ALPK2: variants seen among roughly 807,000 people sequenced by gnomAD.
ALPK2 encodes the protein alpha-protein kinase 2.
Under a neutral mutation model 163.1 loss-of-function variants are expected in ALPK2, and 127 were observed. The observed-to-expected ratio is 0.78, with a 90% CI of 0.67 to 0.90. The LOEUF is 0.90. Ranked by LOEUF, ALPK2 falls within the 40% of genes least tolerant of loss-of-function variation. The pLI is 0.00. For missense variants in ALPK2, 2,360 were observed against 2,589.6 expected (o/e 0.91, Z 1.92); for synonymous variants, 953 against 959.1 (o/e 0.99, Z 0.12).
Position 58,500,498 on chromosome 18 carries a change from T to C in ALPK2, c.6248-2401A>G, listed in dbSNP as rs142813040. Reference sequence around the variant, plus strand: ...GTCAGTTTAATGATTTGCCAGCAATTATGTCAAGGTTACTAGGAATCTCTA... The same window carrying C: ...GTCAGTTTAATGATTTGCCAGCAATCATGTCAAGGTTACTAGGAATCTCTA... On this transcript the variant is annotated intron_variant, in intron 11 of 12. Coordinates refer to ENST00000361673, the MANE Select transcript of ALPK2 (RefSeq NM_052947.4). Among the ~76,000 whole-genome samples, 4 of 152,290 alleles carry C rather than the reference T, an allele frequency of 2.6e-5. No homozygotes were observed. In the East Asian group the frequency reaches 7.7e-4, roughly 29 times the overall value.
chr18:58,605,878 G>C (rs2052095451), intron 3 of ALPK2, among the ~76,000 whole-genome samples: 2 of 152,212 alleles, frequency 1.3e-5, no homozygotes, highest in Non-Finnish European at 2.9e-5. Context: ...TTTTGTAAGG[G>C]TGTGGACAAT....
intron 3 of ALPK2, among the ~76,000 whole-genome samples, chr18:58,595,218 C>T (rs1172559200): frequency 6.6e-6 from 1 of 152,188 alleles, no homozygotes. Context: ...CCTTCCCTCC[C>T]TCGTGCTGCT....
chr18:58,523,701 T>C (rs1049089122), intron 8 of ALPK2, 105 bp downstream of exon 8: 4 of 1,426,786 alleles, frequency 2.8e-6, no homozygotes, highest in East Asian at 2.3e-5. Flanking sequence ...TCCTTCTCGG[T>C]TGGAAGAGTC....
intron 4 of ALPK2, among the ~76,000 whole-genome samples, chr18:58,559,335 C>T (rs1167953127): frequency 6.6e-6 from 1 of 152,116 alleles, no homozygotes; most frequent in African/African-American, 2.4e-5. Flanking sequence ...TTATCTGGCC[C>T]ACAATATTGT....
chr18:58,548,601 G>A (rs544082393), intron 4 of ALPK2, among the ~76,000 whole-genome samples: 4 of 152,258 alleles, frequency 2.6e-5, no homozygotes, highest in South Asian at 4.1e-4. Flanking sequence ...GATTACAGGC[G>A]TGAGTCACCG....
chr18:58,562,171 C>G (rs73961620), intron 4 of ALPK2, among the ~76,000 whole-genome samples: 22,662 of 152,160 alleles, frequency 0.15, 1,917 homozygotes, highest in African/African-American at 0.22. Context: ...GTTACATGGA[C>G]TACCAGAAAT....
At chr18:58,602,511 C>T (rs1179142699) in intron 3 of ALPK2, among the ~76,000 whole-genome samples, 2 of 152,144 alleles carry the variant, frequency 1.3e-5, no homozygotes, top group African/African-American at 2.4e-5. Flanking sequence ...TGGCATGTCT[C>T]GGCTTGCCAT....
intron 4 of ALPK2, 74 bp downstream of exon 4, chr18:58,578,740 A>ACACACGCGCACGCGCGCG: frequency 8.9e-7 from 1 of 1,118,818 alleles, no homozygotes; most frequent in Non-Finnish European, 1.3e-6. Context: ...AGAGACACAC[A>ACACACGCGCACGCGCGCG]CACACACACA....
At chr18:58,599,298 G>C (rs2052056975) in intron 3 of ALPK2, among the ~76,000 whole-genome samples, 1 of 152,194 alleles carries the variant, frequency 6.6e-6, no homozygotes, top group Admixed American at 6.5e-5. Flanking sequence ...CATTCAAGCA[G>C]GGCTCCAGGC....
intron 11 of ALPK2, among the ~76,000 whole-genome samples, chr18:58,503,389 G>A (rs1259101658): frequency 1.3e-5 from 2 of 152,188 alleles, no homozygotes; most frequent in Non-Finnish European, 2.9e-5. Flanking sequence ...TTATTGGCAT[G>A]AATTATTGAA....
At chr18:58,533,973 T>G (rs1210621820) in intron 5 of ALPK2, among the ~76,000 whole-genome samples, 1 of 152,118 alleles carries the variant, frequency 6.6e-6, no homozygotes, top group Non-Finnish European at 1.5e-5. Context: ...AGCTTTTCGC[T>G]CCAGAGCACA....
chr18:58,527,545 G>A (rs962723391), intron 6 of ALPK2, among the ~76,000 whole-genome samples: 2 of 152,164 alleles, frequency 1.3e-5, no homozygotes, highest in Non-Finnish European at 2.9e-5. Context: ...AAAGGGACCC[G>A]CAAATATTCA....
chr18:58,505,186 G>A (rs2051455620), intron 10 of ALPK2, among the ~76,000 whole-genome samples: 1 of 152,098 alleles, frequency 6.6e-6, no homozygotes, highest in Admixed American at 6.5e-5. Flanking sequence ...GGAGACCGGG[G>A]CCAGGTAATG....
At chr18:58,548,305 C>T (rs2051730074) in intron 4 of ALPK2, among the ~76,000 whole-genome samples, 2 of 150,614 alleles carry the variant, frequency 1.3e-5, no homozygotes, top group African/African-American at 2.4e-5. Context: ...GATAGGACCT[C>T]GGGTTTGGTT....
At chr18:58,506,160 T>C (rs1033996465) in intron 10 of ALPK2, among the ~76,000 whole-genome samples, 3 of 152,026 alleles carry the variant, frequency 2.0e-5, no homozygotes, top group African/African-American at 7.3e-5. Flanking sequence ...AATTTAACTC[T>C]GCATTGGGCA....
At chr18:58,543,438 G>A (rs2051701916) in intron 4 of ALPK2, 2 of 984,326 alleles carry the variant, frequency 2.0e-6, no homozygotes, top group South Asian at 9.4e-5. Flanking sequence ...ACAGGCAGGA[G>A]GCTTTAAGAG....
In ALPK2 at chr18:58,481,675, G is replaced by A. The variant is rs534985788; in HGVS notation, c.*148C>T. ...TTTGAGTGAAGACAGCAGGTGATGG[G>A]TTTAGAAGCATCTTGGCGCACAGTC... On this transcript the variant is annotated 3_prime_UTR_variant, in exon 13 of 13. Transcript: ENST00000361673. The A allele has an allele frequency of 3.0e-6, 2 of 661,238 alleles. No homozygotes were observed. Among genetic ancestry groups the A allele is most frequent in the Non-Finnish European group, 5.3e-6 (2 of 374,490 alleles). 41.0% of individuals were successfully genotyped at this position (661,238 alleles called of 1,614,324 possible). A position where few individuals can be genotyped will look rare whatever the true frequency, so the allele number is the denominator to read the frequency against.
intron 3 of ALPK2, among the ~76,000 whole-genome samples, chr18:58,600,098 A>G (rs1391487617): frequency 7.2e-5 from 9 of 124,900 alleles, no homozygotes; most frequent in African/African-American, 2.5e-4. Context: ...GTGCAGTGGC[A>G]TGATCTCTGC....
chr18:58,525,106 A>G (rs1408575125), intron 6 of ALPK2, among the ~76,000 whole-genome samples: 1 of 152,242 alleles, frequency 6.6e-6, no homozygotes, highest in Non-Finnish European at 1.5e-5. Flanking sequence ...GTTTAACAAC[A>G]AAAATTCACC....
Sources: gnomAD v4.1 joint callset for allele counts (sites outside exome capture counted in the v4.1 genomes callset) on GRCh38, gnomAD v4.1.1 for gene constraint, MANE v1.5 for transcripts, NCBI Gene and HGNC (gene_info 2026-07-23, HGNC 2026-07-21) for gene names.